CEP63: variants seen among roughly 807,000 people sequenced by gnomAD.
The protein encoded by CEP63 is centrosomal protein of 63 kDa.
CEP63 carries 84 observed loss-of-function variants against 89.1 expected under a neutral mutation model. The observed-to-expected ratio is 0.94, with a 90% CI of 0.79 to 1.13. The LOEUF (loss-of-function observed/expected upper bound fraction) is 1.13, where lower values mean the gene tolerates loss of function less well. Ranked by LOEUF, CEP63 falls within the 50% of genes most tolerant of loss-of-function variation. CEP63 has a pLI of 0.00. For synonymous variants in CEP63, 267 were observed against 272.5 expected, an observed-to-expected ratio of 0.98 and a Z score of 0.20; for missense variants, 838 against 813.3, an observed-to-expected ratio of 1.03 and a Z score of -0.37.
chr3:134,698,433 A>G, the CEP63 span, among the ~76,000 whole-genome samples: 1 of 152,180 alleles, frequency 6.6e-6, no homozygotes, highest in Admixed American at 6.5e-5. Context: ...AGCAAAAGCA[A>G]AGGCTGCCAG....
the CEP63 span, among the ~76,000 whole-genome samples, chr3:134,731,047 A>C: frequency 6.6e-6 from 1 of 152,196 alleles, no homozygotes; most frequent in Non-Finnish European, 1.5e-5. Flanking sequence ...TAATGGTAAA[A>C]TCTTCAATTT....
the CEP63 span, among the ~76,000 whole-genome samples, chr3:134,622,687 A>C: frequency 1.3e-5 from 2 of 152,188 alleles, no homozygotes; most frequent in Non-Finnish European, 2.9e-5. Flanking sequence ...ATTTTATGTT[A>C]TTTTATGATA....
chr3:134,610,095 C>T, the CEP63 span: 14 of 1,310,200 alleles, frequency 1.1e-5, no homozygotes, highest in South Asian at 1.5e-4. Flanking sequence ...GGCTCTCCTT[C>T]CCCTCCCGCT....
intron 10 of CEP63, among the ~76,000 whole-genome samples, chr3:134,581,270 A>G (rs1958339192): frequency 6.6e-6 from 1 of 152,116 alleles, no homozygotes; most frequent in Admixed American, 6.6e-5. Context: ...AAATCAATAT[A>G]CCACATTAAC....
chr3:134,747,067 A>T, the CEP63 span, among the ~76,000 whole-genome samples: 1 of 150,466 alleles, frequency 6.6e-6, no homozygotes, highest in Non-Finnish European at 1.5e-5. Flanking sequence ...TCTAACATTT[A>T]AGTCTTTAAT....
downstream of CEP63, among the ~76,000 whole-genome samples, chr3:134,566,744 C>A (rs1337342088): frequency 6.6e-6 from 1 of 151,930 alleles, no homozygotes; most frequent in African/African-American, 2.4e-5. Context: ...TACCATTACA[C>A]ATCCACTATA....
At chr3:134,547,708 C>A (rs1406308661) in intron 9 of CEP63, among the ~76,000 whole-genome samples, 1 of 148,422 alleles carries the variant, frequency 6.7e-6, no homozygotes, top group East Asian at 2.1e-4. Flanking sequence ...CCTCCCGGTT[C>A]AATTGATTCT....
the CEP63 span, among the ~76,000 whole-genome samples, chr3:134,741,888 C>T: frequency 6.6e-6 from 1 of 151,978 alleles, no homozygotes; most frequent in Admixed American, 6.6e-5. Context: ...GTGTTTCTTC[C>T]CAAGGAAGCT....
At chr3:134,665,592 G>T in the CEP63 span, among the ~76,000 whole-genome samples, 13 of 151,952 alleles carry the variant, frequency 8.6e-5, no homozygotes, top group African/African-American at 2.9e-4. Context: ...GTTCCCGGCC[G>T]CCAGCCCGGA....
chr3:134,578,794 A>G (rs548210630), downstream of CEP63, among the ~76,000 whole-genome samples: 1 of 152,184 alleles, frequency 6.6e-6, no homozygotes, highest in African/African-American at 2.4e-5. Flanking sequence ...AGTTCCTTGT[A>G]GATTCTGGAT....
At chr3:134,611,457 C>T in the CEP63 span, among the ~76,000 whole-genome samples, 27 of 152,342 alleles carry the variant, frequency 1.8e-4, no homozygotes, top group African/African-American at 6.5e-4. Context: ...ACTGTGCAGA[C>T]AATTTCACTG....
chr3:134,637,945 C>T, the CEP63 span, among the ~76,000 whole-genome samples: 4 of 152,316 alleles, frequency 2.6e-5, no homozygotes, highest in East Asian at 7.7e-4. Context: ...ATTCCTAATC[C>T]CTTCTCTCCT....
chr3:134,657,650 A>G, the CEP63 span, among the ~76,000 whole-genome samples: 1 of 152,132 alleles, frequency 6.6e-6, no homozygotes, highest in South Asian at 2.1e-4. Context: ...CTTTGACTAC[A>G]TTTCTGGTTA....
At chr3:134,760,509 T>TCCA in the CEP63 span, among the ~76,000 whole-genome samples, 1 of 152,154 alleles carries the variant, frequency 6.6e-6, no homozygotes, top group African/African-American at 2.4e-5. Context: ...GTGTGGTGTA[T>TCCA]CCACAGACAG....
At chr3:134,766,405 C>A in the CEP63 span, among the ~76,000 whole-genome samples, 28 of 152,374 alleles carry the variant, frequency 1.8e-4, no homozygotes, top group African/African-American at 6.3e-4. Flanking sequence ...TTACCCCTGG[C>A]AGTACTTCCC....
At chr3:134,771,797 T>A in the CEP63 span, among the ~76,000 whole-genome samples, 25 of 152,046 alleles carry the variant, frequency 1.6e-4, no homozygotes, top group South Asian at 8.3e-4. Flanking sequence ...ATATTTTTTT[T>A]AAAAAAGGAA....
the CEP63 span, chr3:134,627,667 C>T: frequency 4.2e-6 from 5 of 1,200,648 alleles, no homozygotes; most frequent in Admixed American, 3.7e-5. Context: ...GCATAGTGGC[C>T]CAGGAAGCAA....
the CEP63 span, among the ~76,000 whole-genome samples, chr3:134,764,288 T>G: frequency 6.6e-6 from 1 of 152,236 alleles, no homozygotes; most frequent in Non-Finnish European, 1.5e-5. Context: ...GCATTCTTGT[T>G]CTGCTCCCAC....
At chr3:134,729,348 A>T in the CEP63 span, among the ~76,000 whole-genome samples, 4 of 152,228 alleles carry the variant, frequency 2.6e-5, no homozygotes, top group Admixed American at 2.6e-4. Flanking sequence ...AAAAGGTAGC[A>T]TGTTATACAT....
Sources: allele counts gnomAD v4.1 joint callset (sites outside exome capture counted in the v4.1 genomes callset), GRCh38; gene constraint gnomAD v4.1.1; transcripts MANE v1.5; gene names NCBI Gene and HGNC (gene_info 2026-07-23, HGNC 2026-07-21).